Variants in DKK2 observed in about 807,000 individuals in gnomAD.
DKK2 encodes dickkopf Wnt signaling pathway inhibitor 2, also known as dickkopf-related protein 2.
Under a neutral mutation model 28.1 loss-of-function variants are expected in DKK2, and 11 were observed. The observed-to-expected ratio is 0.39, with a 90% CI of 0.25 to 0.65. The LOEUF is 0.65. DKK2 is among the 30% of genes least tolerant of loss of function. The pLI, the probability that DKK2 is intolerant of heterozygous loss-of-function variation, is 0.47. For missense variants in DKK2, 326 were observed against 335.5 expected, an observed-to-expected ratio of 0.97 and a Z score of 0.22; for synonymous variants, 135 against 126.5, an observed-to-expected ratio of 1.07 and a Z score of -0.45.
intron 1 of DKK2, among the ~76,000 whole-genome samples, chr4:107,021,338 A>G (rs1304682115): frequency 6.6e-6 from 1 of 152,074 alleles, no homozygotes; most frequent in Non-Finnish European, 1.5e-5. Context: ...CCTAAAATAA[A>G]CAAACATGTA....
At chr4:107,032,980 A>G (rs1399642431) in intron 1 of DKK2, among the ~76,000 whole-genome samples, 1 of 152,198 alleles carries the variant, frequency 6.6e-6, no homozygotes. Context: ...ATAACTATAG[A>G]ATAAAAAAGA....
chr4:106,941,693 G>A (rs1245918609), intron 1 of DKK2, among the ~76,000 whole-genome samples: 2 of 152,094 alleles, frequency 1.3e-5, no homozygotes, highest in African/African-American at 4.8e-5. Context: ...CAGCGTCAGA[G>A]TTTCAGCATA....
intron 1 of DKK2, among the ~76,000 whole-genome samples, chr4:107,033,537 G>A (rs980983783): frequency 1.3e-5 from 2 of 152,132 alleles, no homozygotes; most frequent in Non-Finnish European, 2.9e-5. Flanking sequence ...ATGAAACGAC[G>A]CATGTAACTG....
chr4:106,944,161 T>C (rs1724743484), intron 1 of DKK2, among the ~76,000 whole-genome samples: 1 of 152,092 alleles, frequency 6.6e-6, no homozygotes, highest in African/African-American at 2.4e-5. Flanking sequence ...TGATACACTT[T>C]AGTCACAGCA....
chr4:107,014,638 A>T (rs886979504), intron 1 of DKK2, among the ~76,000 whole-genome samples: 2 of 151,572 alleles, frequency 1.3e-5, no homozygotes, highest in Non-Finnish European at 3.0e-5. Context: ...GCTAGAAAAG[A>T]AGATTTAAAA....
At chr4:106,938,065 A>G (rs1408632553) in intron 1 of DKK2, among the ~76,000 whole-genome samples, 1 of 143,534 alleles carries the variant, frequency 7.0e-6, no homozygotes, top group African/African-American at 2.6e-5. Flanking sequence ...AGAACTAGAA[A>G]AGCAAGAGCA....
At chr4:106,934,221 A>G (rs1724545936) in intron 1 of DKK2, among the ~76,000 whole-genome samples, 1 of 151,954 alleles carries the variant, frequency 6.6e-6, no homozygotes, top group Non-Finnish European at 1.5e-5. Context: ...TTTACATTAA[A>G]CTCTTTTAAA....
In DKK2 at chr4:106,929,979, G is replaced by T. The variant is rs183146023; in HGVS notation, c.223-4030C>A. On this transcript the variant is annotated intron_variant, in intron 1 of 3. Transcript: ENST00000285311. Reference sequence around the variant, plus strand: ...GATACATCGACAAGGTGACTGAGTGGTGACCTATGTGCTGAAGTTAGAGGT... The same window carrying T: ...GATACATCGACAAGGTGACTGAGTGTTGACCTATGTGCTGAAGTTAGAGGT... Among the ~76,000 whole-genome samples the T allele has an allele frequency of 2.6e-5, 4 of 152,214 alleles. No individual in the cohort carries two copies. The East Asian group carries it at 7.7e-4, about 29-fold the overall frequency.
At chr4:107,032,742 T>C (rs1376888602) in intron 1 of DKK2, among the ~76,000 whole-genome samples, 1 of 152,138 alleles carries the variant, frequency 6.6e-6, no homozygotes, top group Non-Finnish European at 1.5e-5. Flanking sequence ...GAAATAAAAC[T>C]TATTAGGTCT....
chr4:107,010,300 G>A (rs989343696), intron 1 of DKK2, among the ~76,000 whole-genome samples: 3 of 151,496 alleles, frequency 2.0e-5, no homozygotes, highest in Non-Finnish European at 4.4e-5. Context: ...CCCCTTATTA[G>A]GACAGCTAAG....
intron 1 of DKK2, among the ~76,000 whole-genome samples, chr4:107,012,415 C>T (rs1270186737): frequency 1.3e-5 from 2 of 151,232 alleles, no homozygotes; most frequent in East Asian, 3.9e-4. Context: ...AATTTCATCT[C>T]TCTCCAATTT....
chr4:106,935,118 A>T (rs1724560935), intron 1 of DKK2, among the ~76,000 whole-genome samples: 1 of 152,246 alleles, frequency 6.6e-6, no homozygotes, highest in African/African-American at 2.4e-5. Context: ...AGGAGCCAAG[A>T]TGGCCGAATA....
intron 1 of DKK2, among the ~76,000 whole-genome samples, chr4:106,931,437 CAT>C (rs1724503250): frequency 6.6e-6 from 1 of 151,956 alleles, no homozygotes; most frequent in African/African-American, 2.4e-5. Context: ...TTGAAAAAAA[CAT>C]ATATCCTTCA....
chr4:107,009,096 A>C (rs1020911824), intron 1 of DKK2, among the ~76,000 whole-genome samples: 1 of 151,970 alleles, frequency 6.6e-6, no homozygotes, highest in African/African-American at 2.4e-5. Context: ...ATATCTTCTT[A>C]ACCACCAAAA....
At chr4:106,927,217 G>A (rs115648896) in intron 1 of DKK2, among the ~76,000 whole-genome samples, 3,804 of 152,042 alleles carry the variant, frequency 0.025, 61 homozygotes, top group Non-Finnish European at 0.038. Flanking sequence ...GGTATAGCTC[G>A]GCCTGCATTG....
At chr4:106,985,815 C>CAAAAAAA (rs112120001) in intron 1 of DKK2, among the ~76,000 whole-genome samples, 1 of 79,468 alleles carries the variant, frequency 1.3e-5, no homozygotes, top group East Asian at 2.8e-4. Context: ...GACTCCGTCT[C>CAAAAAAA]AAAAAAAAAA....
At chr4:106,989,234 T>C (rs937463628) in intron 1 of DKK2, among the ~76,000 whole-genome samples, 41 of 152,304 alleles carry the variant, frequency 2.7e-4, no homozygotes, top group African/African-American at 8.7e-4. Context: ...AACAACTTTC[T>C]CCCATAAATT....
intron 1 of DKK2, among the ~76,000 whole-genome samples, chr4:107,022,113 C>A (rs536310665): frequency 5.9e-5 from 9 of 151,970 alleles, no homozygotes; most frequent in Non-Finnish European, 1.5e-5. Context: ...CCTTGGAAAT[C>A]TTTATGAAAA....
chr4:106,981,787 C>T (rs1342231635), intron 1 of DKK2, among the ~76,000 whole-genome samples: 1 of 152,040 alleles, frequency 6.6e-6, no homozygotes, highest in Admixed American at 6.6e-5. Flanking sequence ...TCTTTTTTTA[C>T]CAACCATTTT....
Sources: gnomAD v4.1 joint callset for allele counts (sites outside exome capture counted in the v4.1 genomes callset) on GRCh38, gnomAD v4.1.1 for gene constraint, MANE v1.5 for transcripts, NCBI Gene and HGNC (gene_info 2026-07-23, HGNC 2026-07-21) for gene names.